The following KIAA1217 variants were observed in gnomAD, a reference collection of about 807,000 sequenced individuals.
The protein encoded by KIAA1217 is sickle tail protein homolog.
A neutral mutation model predicts 163.9 loss-of-function variants in KIAA1217; 88 were observed. The ratio of observed to expected loss-of-function variants is 0.54; its 90% CI spans 0.45 to 0.64. The LOEUF (loss-of-function observed/expected upper bound fraction) is 0.64. Among genes scored for constraint, KIAA1217 ranks in the 30% least tolerant of loss-of-function variants. The pLI is 0.00. For missense variants in KIAA1217, 2,372 were observed against 2,475.0 expected, an observed-to-expected ratio of 0.96 and a Z score of 0.88; for synonymous variants, 903 against 923.1, an observed-to-expected ratio of 0.98 and a Z score of 0.39.
chr10:23,796,795 G>C (rs765354536), intron 1 of KIAA1217, among the ~76,000 whole-genome samples: 39 of 152,026 alleles, frequency 2.6e-4, no homozygotes, highest in Non-Finnish European at 7.4e-5. Flanking sequence ...ATCACTGAAG[G>C]AACAGAATAC....
intron 2 of KIAA1217, among the ~76,000 whole-genome samples, chr10:24,195,061 C>A (rs371882112): frequency 3.9e-5 from 6 of 152,090 alleles, no homozygotes; most frequent in Non-Finnish European, 7.4e-5. Flanking sequence ...GCCAGGCCAC[C>A]CTGGGTGGGC....
At chr10:23,791,570 A>G (rs1472070724) in intron 1 of KIAA1217, among the ~76,000 whole-genome samples, 1 of 152,226 alleles carries the variant, frequency 6.6e-6, no homozygotes, top group Non-Finnish European at 1.5e-5. Flanking sequence ...AATTTCTGCA[A>G]TTATTTCATG....
At chr10:24,001,301 A>C (rs1846733910) in intron 1 of KIAA1217, among the ~76,000 whole-genome samples, 1 of 152,226 alleles carries the variant, frequency 6.6e-6, no homozygotes, top group Non-Finnish European at 1.5e-5. Context: ...CCATTCGGTG[A>C]GTTCTTATTA....
chr10:23,745,298 T>A (rs148509339), intron 1 of KIAA1217, among the ~76,000 whole-genome samples: 3 of 152,228 alleles, frequency 2.0e-5, no homozygotes, highest in African/African-American at 7.2e-5. Context: ...GGATAAATGT[T>A]TGAGTTCAAT....
intron 10 of KIAA1217, among the ~76,000 whole-genome samples, chr10:24,515,534 T>C (rs1342837665): frequency 1.3e-5 from 2 of 152,134 alleles, no homozygotes; most frequent in African/African-American, 4.8e-5. Flanking sequence ...GAGGGCTTTA[T>C]CTGGTTGGAT....
intron 2 of KIAA1217, among the ~76,000 whole-genome samples, chr10:24,190,356 G>A (rs1259144356): frequency 1.3e-5 from 2 of 152,170 alleles, no homozygotes; most frequent in Non-Finnish European, 2.9e-5. Flanking sequence ...CAAAGCAGGA[G>A]GAGGTTTTAC....
chr10:23,733,980 T>C (rs1007498157), intron 1 of KIAA1217, among the ~76,000 whole-genome samples: 2 of 152,208 alleles, frequency 1.3e-5, no homozygotes, highest in African/African-American at 4.8e-5. Context: ...TTCCTTATCA[T>C]GATAAGGAAA....
At chr10:23,849,214 A>C (rs1460201533) in intron 1 of KIAA1217, among the ~76,000 whole-genome samples, 1 of 152,116 alleles carries the variant, frequency 6.6e-6, no homozygotes, top group Non-Finnish European at 1.5e-5. Flanking sequence ...GGAAGCCTTA[A>C]AATATATAAA....
At chr10:24,516,343 T>G (rs1282475478) in intron 10 of KIAA1217, among the ~76,000 whole-genome samples, 1 of 152,240 alleles carries the variant, frequency 6.6e-6, no homozygotes, top group African/African-American at 2.4e-5. Flanking sequence ...TCCTGTATCT[T>G]AGACCATACT....
intron 2 of KIAA1217, among the ~76,000 whole-genome samples, chr10:24,173,891 C>T (rs1430474285): frequency 1.3e-5 from 2 of 152,214 alleles, no homozygotes; most frequent in African/African-American, 2.4e-5. Context: ...AAAGTCCAAG[C>T]TGCATCTCTT....
chr10:24,096,206 G>A (rs1004935158), intron 2 of KIAA1217, among the ~76,000 whole-genome samples: 4 of 152,302 alleles, frequency 2.6e-5, no homozygotes, highest in Middle Eastern at 6.8e-3. Context: ...AGGTGACCAT[G>A]GTTGTCTGTT....
rs149193596 is a variant in KIAA1217 at position 24,039,233 on chromosome 10, C to T, written c.-171+31859C>T. Among the ~76,000 whole-genome samples the T allele has an allele frequency of 6.2e-4, 94 of 152,050 alleles. No individual in the cohort carries two copies. In the East Asian group the frequency reaches 0.011, roughly 18 times the overall value. The stretch of plus-strand genomic sequence containing the variant: ...GCTGCCCTAGCCACACTCCACTCCA[C>T]CCCCACCCCAGCAGTGCAGACATCT... On this transcript the variant is annotated intron_variant, in intron 2 of 18. Coordinates refer to the KIAA1217 transcript ENST00000376462.
rs905786046 is a variant in KIAA1217 at position 24,346,185 on chromosome 10, C to T, written c.355-34684C>T. Among the ~76,000 whole-genome samples, 44 of 152,246 alleles carry T rather than the reference C, an allele frequency of 2.9e-4. 1 individual carries two copies. The highest frequency in any genetic ancestry group is 6.8e-3 in the Middle Eastern group (2 of 294). ...TTTTAAGGCTTAATAATATTCTGGC[C>T]GGGCACCGTGGCTCACACCTGTAAT... On this transcript the variant is annotated intron_variant, in intron 2 of 20. Transcript: ENST00000376454.
chr10:24,367,365 A>G (rs963543926), intron 2 of KIAA1217, among the ~76,000 whole-genome samples: 1 of 152,212 alleles, frequency 6.6e-6, no homozygotes, highest in African/African-American at 2.4e-5. Context: ...TGCTTGTAGC[A>G]TTCTGAAATA....
intron 2 of KIAA1217, among the ~76,000 whole-genome samples, chr10:24,141,746 C>T (rs1025835440): frequency 2.0e-5 from 3 of 152,172 alleles, no homozygotes; most frequent in Non-Finnish European, 4.4e-5. Flanking sequence ...GGAATCACAA[C>T]CCGTAGATAA....
intron 2 of KIAA1217, among the ~76,000 whole-genome samples, chr10:24,372,450 A>C (rs915573557): frequency 6.6e-6 from 1 of 152,154 alleles, no homozygotes; most frequent in Non-Finnish European, 1.5e-5. Flanking sequence ...CTCAGATAAA[A>C]CAAATACTGG....
At chr10:24,124,019 C>G (rs1378188089) in intron 2 of KIAA1217, among the ~76,000 whole-genome samples, 1 of 152,102 alleles carries the variant, frequency 6.6e-6, no homozygotes, top group Non-Finnish European at 1.5e-5. Flanking sequence ...TTTATTTAGG[C>G]TATCTTTTAT....
chr10:23,785,562 G>T (rs1349377713), intron 1 of KIAA1217, among the ~76,000 whole-genome samples: 1 of 152,106 alleles, frequency 6.6e-6, no homozygotes, highest in African/African-American at 2.4e-5. Flanking sequence ...ATGTATACAT[G>T]CACACATACA....
chr10:24,127,368 G>T (rs1358759674), intron 2 of KIAA1217, among the ~76,000 whole-genome samples: 1 of 152,122 alleles, frequency 6.6e-6, no homozygotes, highest in Non-Finnish European at 1.5e-5. Flanking sequence ...GGAGTATATT[G>T]CAGAGAAACA....
Sources: gnomAD v4.1 joint callset for allele counts (sites outside exome capture counted in the v4.1 genomes callset) on GRCh38, gnomAD v4.1.1 for gene constraint, MANE v1.5 for transcripts, NCBI Gene and HGNC (gene_info 2026-07-23, HGNC 2026-07-21) for gene names.